Variants in GRHL2 observed in about 807,000 individuals in gnomAD.
GRHL2 encodes grainyhead like transcription factor 2, also known as grainyhead-like protein 2 homolog.
In GRHL2, 21 loss-of-function variants were observed where a neutral mutation model predicts 83.8. That is an observed-to-expected ratio of 0.25 (90% CI 0.18 to 0.36). GRHL2 has a LOEUF of 0.36. Among genes scored for constraint, GRHL2 ranks in the 10% least tolerant of loss-of-function variants. The pLI, the probability that GRHL2 is intolerant of heterozygous loss-of-function variation, is 1.00. For missense variants in GRHL2, 623 were observed against 781.8 expected (o/e 0.80, Z 2.42); for synonymous variants, 280 against 278.9 (o/e 1.00, Z -0.04).
intron 2 of GRHL2, among the ~76,000 whole-genome samples, chr8:101,546,744 T>G (rs768807353): frequency 6.6e-6 from 1 of 152,160 alleles, no homozygotes; most frequent in Non-Finnish European, 1.5e-5. Flanking sequence ...GGCAATATAT[T>G]TTATTTCCCA....
chr8:101,581,145 G>C (rs2130253353), intron 7 of GRHL2, among the ~76,000 whole-genome samples: 1 of 152,352 alleles, frequency 6.6e-6, no homozygotes, highest in Non-Finnish European at 1.5e-5. Flanking sequence ...TCTTTGGTCT[G>C]TGCCTTCCTC....
intron 14 of GRHL2, among the ~76,000 whole-genome samples, chr8:101,650,668 C>A (rs945033824): frequency 1.3e-5 from 2 of 151,656 alleles, no homozygotes; most frequent in African/African-American, 4.8e-5. Context: ...GGAGGTGGAA[C>A]AACTGCTTAA....
At chr8:101,557,770 GATC>G (rs1811517808) in intron 3 of GRHL2, among the ~76,000 whole-genome samples, 1 of 152,110 alleles carries the variant, frequency 6.6e-6, no homozygotes, top group African/African-American at 2.4e-5. Context: ...TGGTTTGTCT[GATC>G]GCTTCTTTTT....
At chr8:101,576,426 C>T (rs919666494) in intron 6 of GRHL2, among the ~76,000 whole-genome samples, 3 of 152,182 alleles carry the variant, frequency 2.0e-5, no homozygotes, top group Admixed American at 1.3e-4. Flanking sequence ...CACTATGTTC[C>T]CCAGGCTGGT....
At chr8:101,571,512 A>G (rs1811824432) in intron 5 of GRHL2, among the ~76,000 whole-genome samples, 2 of 148,840 alleles carry the variant, frequency 1.3e-5, no homozygotes, top group Admixed American at 6.7e-5. Context: ...AAAAAGAGTG[A>G]GAGAGTGGCA....
intron 1 of GRHL2, among the ~76,000 whole-genome samples, chr8:101,530,153 C>T (rs922390114): frequency 6.6e-6 from 1 of 152,198 alleles, no homozygotes; most frequent in Non-Finnish European, 1.5e-5. Context: ...AAACAGTCCT[C>T]AAGCACACAT....
At chr8:101,670,917 G>A (rs529710203), downstream of GRHL2, among the ~76,000 whole-genome samples, 3 of 152,324 alleles carry the variant, frequency 2.0e-5, no homozygotes, top group Non-Finnish European at 2.9e-5. Flanking sequence ...CTCATAGGAG[G>A]TGGGGTGCAA....
chr8:101,641,662 A>G (rs921131229), intron 12 of GRHL2, among the ~76,000 whole-genome samples: 1 of 152,158 alleles, frequency 6.6e-6, no homozygotes, highest in African/African-American at 2.4e-5. Flanking sequence ...CGGGCCTAGA[A>G]TCATTCTACA....
At chr8:101,620,230 C>G (rs1013299668) in intron 9 of GRHL2, among the ~76,000 whole-genome samples, 1 of 152,186 alleles carries the variant, frequency 6.6e-6, no homozygotes, top group Admixed American at 6.5e-5. Flanking sequence ...ACCCAATTAC[C>G]TCCCCAAAAT....
intron 4 of GRHL2, among the ~76,000 whole-genome samples, chr8:101,563,861 T>C (rs1811659219): frequency 6.6e-6 from 1 of 152,198 alleles, no homozygotes; most frequent in Admixed American, 6.5e-5. Context: ...CATGATCCCA[T>C]GTGAGGTACA....
chr8:101,519,391 T>G (rs1810637227), intron 1 of GRHL2, among the ~76,000 whole-genome samples: 1 of 125,554 alleles, frequency 8.0e-6, no homozygotes, highest in African/African-American at 3.0e-5. Context: ...AGATTAAATA[T>G]TCATCACTTA....
chr8:101,623,966 T>C (rs1336916425), intron 9 of GRHL2, among the ~76,000 whole-genome samples: 3 of 136,236 alleles, frequency 2.2e-5, no homozygotes, highest in Non-Finnish European at 4.6e-5. Flanking sequence ...AGTAGGACAG[T>C]ACACAGTACA....
intron 1 of GRHL2, among the ~76,000 whole-genome samples, chr8:101,525,307 T>C (rs1810782404): frequency 6.6e-6 from 1 of 152,178 alleles, no homozygotes; most frequent in Non-Finnish European, 1.5e-5. Flanking sequence ...AAATTTTTGT[T>C]CTCAGAATTT....
At chr8:101,512,303 C>A (rs1024646403) in intron 1 of GRHL2, among the ~76,000 whole-genome samples, 5 of 152,134 alleles carry the variant, frequency 3.3e-5, no homozygotes, top group African/African-American at 7.2e-5. Context: ...CCTATAAAAA[C>A]AAATACGTTT....
intron 1 of GRHL2, among the ~76,000 whole-genome samples, chr8:101,497,554 C>T (rs1810133222): frequency 6.6e-6 from 1 of 152,208 alleles, no homozygotes; most frequent in African/African-American, 2.4e-5. Flanking sequence ...ACAGGAATTT[C>T]TAAAATCATT....
At chr8:101,678,798 C>T in the GRHL2 span, among the ~76,000 whole-genome samples, 674 of 149,460 alleles carry the variant, frequency 4.5e-3, 2 homozygotes, top group African/African-American at 0.016. Context: ...CTGGGAGGCA[C>T]CCCCCAGCAG....
chr8:101,666,706 C>G lies in GRHL2; in HGVS notation c.*3C>G. On this transcript the variant is annotated 3_prime_UTR_variant, in exon 16 of 16. Coordinates refer to ENST00000646743, the MANE Select transcript of GRHL2 (RefSeq NM_024915.4). ...AGGTCACGCTCATGGAAATCTAGCC[C>G]TGGGTTTGGCATCCGCTTTGGCTGG... is the stretch of plus-strand genomic sequence containing the variant. 2.5e-6 allele frequency: 4 copies of G among 1,585,972 alleles called. No individual in the cohort carries two copies. Among genetic ancestry groups the G allele is most frequent in the Non-Finnish European group, 3.5e-6 (4 of 1,154,404 alleles).
chr8:101,532,888 A>T (rs1388543381), intron 1 of GRHL2, among the ~76,000 whole-genome samples: 1 of 152,134 alleles, frequency 6.6e-6, no homozygotes. Context: ...CAGAGTACAT[A>T]GCATGAAATC....
intron 7 of GRHL2, among the ~76,000 whole-genome samples, chr8:101,589,982 C>T (rs1366737510): frequency 6.6e-6 from 1 of 152,076 alleles, no homozygotes; most frequent in African/African-American, 2.4e-5. Flanking sequence ...AGAGTACTTA[C>T]ATGCTTGCCT....
Sources: allele counts gnomAD v4.1 joint callset (sites outside exome capture counted in the v4.1 genomes callset), GRCh38; gene constraint gnomAD v4.1.1; transcripts MANE v1.5; gene names NCBI Gene and HGNC (gene_info 2026-07-23, HGNC 2026-07-21).